SIPA1L1: variants seen among roughly 807,000 people sequenced by gnomAD.
The protein encoded by SIPA1L1 is signal-induced proliferation-associated 1-like protein 1.
SIPA1L1 carries 26 observed loss-of-function variants against 162.7 expected under a neutral mutation model. The ratio of observed to expected loss-of-function variants is 0.16; its 90% CI spans 0.12 to 0.22. The LOEUF is 0.22. Ranked by LOEUF, SIPA1L1 falls within the 10% of genes least tolerant of loss-of-function variation. The pLI is 1.00. For missense variants in SIPA1L1, 1,874 were observed against 2,241.0 expected, an observed-to-expected ratio of 0.84 and a Z score of 3.31; for synonymous variants, 829 against 837.4, an observed-to-expected ratio of 0.99 and a Z score of 0.17.
intron 2 of SIPA1L1, among the ~76,000 whole-genome samples, chr14:71,411,154 G>C (rs2042376982): frequency 2.0e-5 from 3 of 151,924 alleles, no homozygotes. Flanking sequence ...TACAGTGTAG[G>C]TGGCCTTCTC....
intron 2 of SIPA1L1, among the ~76,000 whole-genome samples, chr14:71,362,300 G>C (rs996673628): frequency 6.6e-6 from 1 of 152,240 alleles, no homozygotes; most frequent in African/African-American, 2.4e-5. Flanking sequence ...AAAATGGGCA[G>C]TTTGATCAAG....
intron 2 of SIPA1L1, among the ~76,000 whole-genome samples, chr14:71,491,798 A>T (rs925730990): frequency 6.6e-6 from 1 of 151,050 alleles, no homozygotes; most frequent in Non-Finnish European, 1.5e-5. Flanking sequence ...ACACACACAC[A>T]CACACACACA....
intron 12 of SIPA1L1, 87 bp from the exon 13 acceptor site, chr14:71,685,275 T>G: frequency 7.1e-7 from 1 of 1,409,790 alleles, no homozygotes; most frequent in Non-Finnish European, 9.8e-7. Context: ...TGGATCCATT[T>G]TTAAGTGTTA....
intron 12 of SIPA1L1, among the ~76,000 whole-genome samples, chr14:71,674,812 C>T (rs2044954308): frequency 6.6e-6 from 1 of 151,674 alleles, no homozygotes; most frequent in Non-Finnish European, 1.5e-5. Flanking sequence ...GATCCGCCCG[C>T]CTCGGCCTCC....
chr14:71,597,396 G>T (rs2147894948), intron 5 of SIPA1L1, among the ~76,000 whole-genome samples: 1 of 151,956 alleles, frequency 6.6e-6, no homozygotes, highest in South Asian at 2.1e-4. Context: ...GTATCTTCCT[G>T]TTTGTATATT....
At chr14:71,688,322 A>G (rs946089632) in intron 13 of SIPA1L1, among the ~76,000 whole-genome samples, 1 of 152,194 alleles carries the variant, frequency 6.6e-6, no homozygotes, top group Admixed American at 6.5e-5. Flanking sequence ...TGCAAGTGTA[A>G]TGCAAATATT....
chr14:71,699,220 G>A, intron 14 of SIPA1L1, 93 bp downstream of exon 14: 7 of 1,218,000 alleles, frequency 5.7e-6, no homozygotes, highest in Non-Finnish European at 7.1e-6. Context: ...CATTCAGCCA[G>A]CCTTGATCAA....
intron 2 of SIPA1L1, among the ~76,000 whole-genome samples, chr14:71,331,617 G>C (rs1310078837): frequency 2.0e-5 from 3 of 151,762 alleles, no homozygotes; most frequent in African/African-American, 7.2e-5. Flanking sequence ...GTGTACCTTA[G>C]TGGGTATTCA....
chr14:71,678,191 G>T (rs1233056986), intron 12 of SIPA1L1, among the ~76,000 whole-genome samples: 3 of 152,178 alleles, frequency 2.0e-5, no homozygotes, highest in African/African-American at 7.2e-5. Context: ...AATAAGAGTG[G>T]TGAGAGAGGG....
chr14:71,668,827 T>C (rs891610135), intron 10 of SIPA1L1, among the ~76,000 whole-genome samples: 2 of 152,212 alleles, frequency 1.3e-5, no homozygotes, highest in South Asian at 4.1e-4. Context: ...TAGGCTAATA[T>C]ACATACAGCC....
At chr14:71,340,558 CTTTCCGATGCTCCCCTAGT>C (rs1160199189) in intron 2 of SIPA1L1, among the ~76,000 whole-genome samples, 2 of 152,178 alleles carry the variant, frequency 1.3e-5, no homozygotes, top group East Asian at 1.9e-4. Flanking sequence ...GCTTCCCTAG[CTTTCCGATGCTCCCCTAGT>C]TTTCCGATGC....
At position 71,710,961 on chromosome 14, in the gene SIPA1L1, G is replaced by T. The variant is rs764825667; in HGVS notation, c.4208+1297G>T. Among the ~76,000 whole-genome samples the T allele has an allele frequency of 2.6e-5, 4 of 152,104 alleles. No individual in the cohort carries two copies. The South Asian group carries it at 6.2e-4, about 24-fold the overall frequency. ...GAGAGGACATCCTCTACTTAATTTG[G>T]ATTGCTTTCACTTGACCAGCTAAGT... On this transcript the variant is annotated intron_variant, in intron 17 of 23. Coordinates refer to ENST00000381232, the MANE Select transcript of SIPA1L1 (RefSeq NM_001386936.1).
intron 2 of SIPA1L1, among the ~76,000 whole-genome samples, chr14:71,477,402 G>A (rs1332070822): frequency 6.6e-6 from 1 of 151,912 alleles, no homozygotes; most frequent in East Asian, 1.9e-4. Flanking sequence ...CAAAAACGCG[G>A]GTGTCACTGT....
chr14:71,548,378 C>G (rs2055445393), intron 4 of SIPA1L1, among the ~76,000 whole-genome samples: 1 of 152,032 alleles, frequency 6.6e-6, no homozygotes, highest in Non-Finnish European at 1.5e-5. Context: ...GATAAATTGT[C>G]TTTTATCACC....
intron 3 of SIPA1L1, among the ~76,000 whole-genome samples, chr14:71,518,338 T>C (rs2051953862): frequency 6.6e-6 from 1 of 152,074 alleles, no homozygotes; most frequent in African/African-American, 2.4e-5. Flanking sequence ...TAAGTTGGGA[T>C]TTATTTTTAT....
chr14:71,579,771 T>C (rs2033656439), intron 4 of SIPA1L1, among the ~76,000 whole-genome samples: 1 of 152,216 alleles, frequency 6.6e-6, no homozygotes, highest in Non-Finnish European at 1.5e-5. Context: ...CCTTTCTACT[T>C]TTTTCCTCAG....
chr14:71,570,764 T>C (rs1388693142), intron 4 of SIPA1L1, among the ~76,000 whole-genome samples: 1 of 152,140 alleles, frequency 6.6e-6, no homozygotes, highest in East Asian at 1.9e-4. Context: ...AATACTGCAT[T>C]CATGAAACAA....
chr14:71,556,107 A>T (rs1177619924), intron 4 of SIPA1L1, among the ~76,000 whole-genome samples: 2 of 151,606 alleles, frequency 1.3e-5, no homozygotes, highest in Non-Finnish European at 3.0e-5. Context: ...TTCAATTTGT[A>T]AAAAAAACAC....
At position 71,735,322 on chromosome 14, in the gene SIPA1L1, C is replaced by T. The variant is rs2085185039; in HGVS notation, c.5054C>T (p.Pro1685Leu). The T allele has an allele frequency of 1.2e-6, 2 of 1,614,040 alleles. No homozygotes were observed. The highest frequency in any genetic ancestry group is 1.3e-5 in the African/African-American group (1 of 74,924). ...GCTGCTAGTGATGAAAACCATCGCC[C>T]CTTGAGTGCTGCATCCAACAGTGAT... Reference protein sequence around the residue: ...FFAASDENHRPLSAASNSDQL... With the variant: ...FFAASDENHRLLSAASNSDQL... The change falls in exon 22 of 24, where the codon CCC becomes CTC. Residue 1685 changes from proline to leucine, a missense_variant. By Grantham distance (98) the Pro-to-Leu change is moderately conservative. Transcript: ENST00000381232.
Sources: gnomAD v4.1 joint callset for allele counts (sites outside exome capture counted in the v4.1 genomes callset) on GRCh38, gnomAD v4.1.1 for gene constraint, MANE v1.5 for transcripts, NCBI Gene and HGNC (gene_info 2026-07-23, HGNC 2026-07-21) for gene names.